AMD1: variants seen among roughly 807,000 people sequenced by gnomAD.
The protein encoded by AMD1 is S-adenosylmethionine decarboxylase proenzyme.
AMD1 carries 11 observed loss-of-function variants against 40.2 expected under a neutral mutation model. The observed-to-expected ratio is 0.27, with a 90% CI of 0.17 to 0.45. The LOEUF is 0.45. Ranked by LOEUF, AMD1 falls within the 20% of genes least tolerant of loss-of-function variation. AMD1 has a pLI of 1.00. For missense variants in AMD1, 257 were observed against 410.2 expected (o/e 0.63, Z 3.23); for synonymous variants, 121 against 130.8 (o/e 0.93, Z 0.51).
At chr6:110,827,290 C>CTT in the AMD1 span, among the ~76,000 whole-genome samples, 494 of 145,776 alleles carry the variant, frequency 3.4e-3, 4 homozygotes, top group African/African-American at 9.8e-3. Context: ...ATTTTTCTTT[C>CTT]TTTTTTTTTT....
intron 1 of AMD1, chr6:110,875,585 TG>T: frequency 5.8e-6 from 1 of 172,544 alleles, no homozygotes. Context: ...GGGCCCCAGG[TG>T]GGGGTCGGGG....
the AMD1 span, among the ~76,000 whole-genome samples, chr6:110,840,750 G>C: frequency 6.6e-6 from 1 of 150,894 alleles, no homozygotes; most frequent in African/African-American, 2.4e-5. Context: ...AGAAAGGGTT[G>C]GGGGGGTGGG....
At position 110,893,413 on chromosome 6, in the gene AMD1, GT is replaced by G. The variant is rs371753741; in HGVS notation, c.865-59del. ...TAAGATAAAAGTCTGTCACTTAACT[GT>G]TTTGGTTGAAAATACTTCTCTGGAT... On this transcript the variant is annotated intron_variant, in intron 8 of 8. Transcript: ENST00000368885. 38 of 1,589,728 alleles carry G rather than the reference GT, an allele frequency of 2.4e-5. No individual in the cohort carries two copies. The African/African-American group carries it at 4.2e-4, about 18-fold the overall frequency.
At chr6:110,868,216 C>T in the AMD1 span, among the ~76,000 whole-genome samples, 15 of 152,066 alleles carry the variant, frequency 9.9e-5, no homozygotes, top group South Asian at 1.2e-3. Flanking sequence ...GGTGCGATCT[C>T]GGCTCACTGC....
chr6:110,894,473 G>C lies in AMD1; in HGVS notation c.*857G>C, dbSNP rs1786199280. The stretch of plus-strand genomic sequence containing the variant: ...TGGTTAGCAGGGAAGACCCAGAGTT[G>C]TAGATTGAGATTAGGGTGTACTGGC... On this transcript the variant is annotated 3_prime_UTR_variant, in exon 9 of 9. Transcript: ENST00000368885. 1 of 152,254 alleles carries C rather than the reference G, an allele frequency of 6.6e-6. No homozygotes were observed. The allele number at this position is 152,254 out of a possible 1,614,324, so 9.4% of individuals were successfully genotyped here. A position where few individuals can be genotyped will look rare whatever the true frequency, so the allele number is the denominator to read the frequency against.
the AMD1 span, among the ~76,000 whole-genome samples, chr6:110,846,392 A>G: frequency 1.3e-5 from 2 of 152,320 alleles, no homozygotes; most frequent in Non-Finnish European, 2.9e-5. Flanking sequence ...TAGAATGCAT[A>G]AATAGCTATC....
chr6:110,863,347 G>A, the AMD1 span, among the ~76,000 whole-genome samples: 1 of 148,964 alleles, frequency 6.7e-6, no homozygotes, highest in African/African-American at 2.5e-5. Flanking sequence ...CTAACTCTGG[G>A]AAACATAAAC....
chr6:110,821,191 G>T, the AMD1 span, among the ~76,000 whole-genome samples: 1 of 152,212 alleles, frequency 6.6e-6, no homozygotes, highest in Non-Finnish European at 1.5e-5. Flanking sequence ...AATGGTGGCG[G>T]CATGGAGGCA....
At chr6:110,850,426 G>A in the AMD1 span, among the ~76,000 whole-genome samples, 1 of 152,086 alleles carries the variant, frequency 6.6e-6, no homozygotes, top group African/African-American at 2.4e-5. Context: ...TCAGAAAACT[G>A]GTTTCTCTGT....
chr6:110,876,859 A>G (rs1392969467), intron 1 of AMD1, among the ~76,000 whole-genome samples: 1 of 152,238 alleles, frequency 6.6e-6, no homozygotes, highest in African/African-American at 2.4e-5. Flanking sequence ...TAGAAAACGA[A>G]TAACAGAAGT....
chr6:110,821,721 GA>G, the AMD1 span, among the ~76,000 whole-genome samples: 1 of 152,186 alleles, frequency 6.6e-6, no homozygotes, highest in Non-Finnish European at 1.5e-5. Flanking sequence ...GCAATGGAAT[GA>G]GACCTTGTCT....
the AMD1 span, among the ~76,000 whole-genome samples, chr6:110,836,242 C>CA: frequency 6.6e-6 from 1 of 151,954 alleles, no homozygotes; most frequent in Admixed American, 6.6e-5. Context: ...TGAACAACAA[C>CA]AAAAAATCAA....
rs763449610 is a variant in AMD1 at position 110,892,878 on chromosome 6, C to T, written c.709-32C>T. 3.7e-6 allele frequency: 6 copies of T among 1,613,254 alleles called. No homozygotes were observed. In the East Asian group the frequency reaches 6.7e-5, roughly 18 times the overall value. On this transcript the variant is annotated intron_variant, in intron 7 of 8. Coordinates refer to ENST00000368885, the MANE Select transcript of AMD1 (RefSeq NM_001634.6). ...AATTATTTAAATGTGAATAGTCTTT[C>T]CATTCTTAACACTGTGAACTTTTTC...
chr6:110,844,080 C>T, the AMD1 span, among the ~76,000 whole-genome samples: 2 of 151,974 alleles, frequency 1.3e-5, no homozygotes, highest in African/African-American at 4.8e-5. Context: ...TATCCTGCCT[C>T]CTATAAGCAG....
chr6:110,871,786 G>A (rs1459023299), upstream of AMD1, among the ~76,000 whole-genome samples: 1 of 152,156 alleles, frequency 6.6e-6, no homozygotes, highest in Non-Finnish European at 1.5e-5. Flanking sequence ...GTGTCTCAAA[G>A]GTTTGAAATT....
At position 110,888,992 on chromosome 6, in the gene AMD1, G is replaced by A; in HGVS notation, c.324+9G>A. On this transcript the variant is annotated intron_variant, in intron 3 of 8. Transcript: ENST00000368885. ...GGTTTGACTCAATTCAAGTAAGTAA[G>A]CAAACATTTAAATATTTTTCAGGCA... The A allele has an allele frequency of 2.5e-6, 4 of 1,609,104 alleles. No homozygotes were observed. Among genetic ancestry groups the A allele is most frequent in the African/African-American group, 1.3e-5 (1 of 74,814 alleles).
the AMD1 span, among the ~76,000 whole-genome samples, chr6:110,827,568 C>G: frequency 6.6e-6 from 1 of 151,902 alleles, no homozygotes. Flanking sequence ...AGTTTGAGAC[C>G]AGCCTGGCCA....
At chr6:110,851,393 T>C in the AMD1 span, among the ~76,000 whole-genome samples, 1 of 152,118 alleles carries the variant, frequency 6.6e-6, no homozygotes, top group East Asian at 1.9e-4. Context: ...TGAGCCACCA[T>C]GCCAAGCCAT....
At chr6:110,875,320 G>T (rs1785035285) in intron 1 of AMD1, 105 bp downstream of exon 1, 1 of 947,644 alleles carries the variant, frequency 1.1e-6, no homozygotes, top group Non-Finnish European at 1.6e-6. Flanking sequence ...TCAGTTGGGG[G>T]CAAGTCTGCG....
Sources: allele counts gnomAD v4.1 joint callset (sites outside exome capture counted in the v4.1 genomes callset), GRCh38; gene constraint gnomAD v4.1.1; transcripts MANE v1.5; gene names NCBI Gene and HGNC (gene_info 2026-07-23, HGNC 2026-07-21).